SEC23B: variants seen among roughly 807,000 people sequenced by gnomAD.
SEC23B encodes SEC23 homolog B, COPII component.
In SEC23B, 77 loss-of-function variants were observed where a neutral mutation model predicts 104.3. That is an observed-to-expected ratio of 0.74 (90% confidence interval 0.61 to 0.89). The LOEUF is 0.89. SEC23B is among the 40% of genes least tolerant of loss of function. SEC23B has a pLI of 0.00. For missense variants in SEC23B, 885 were observed against 949.4 expected, an observed-to-expected ratio of 0.93 and a Z score of 0.89; for synonymous variants, 338 against 332.5, an observed-to-expected ratio of 1.02 and a Z score of -0.18.
At chr20:18,520,862 C>T (rs1007208201) in intron 4 of SEC23B, among the ~76,000 whole-genome samples, 1 of 151,836 alleles carries the variant, frequency 6.6e-6, no homozygotes, top group African/African-American at 2.4e-5. Context: ...CGTCCGTCTT[C>T]AGCCACTAAG....
intron 11 of SEC23B, among the ~76,000 whole-genome samples, chr20:18,534,588 C>A (rs2060211895): frequency 6.6e-6 from 1 of 152,260 alleles, no homozygotes. Context: ...TAAGGGAACA[C>A]TTCCCCCTTT....
chr20:18,535,916 G>A (rs967423708), intron 12 of SEC23B, among the ~76,000 whole-genome samples, 174 bp downstream of exon 12: 7 of 152,186 alleles, frequency 4.6e-5, no homozygotes, highest in African/African-American at 9.7e-5. Flanking sequence ...GGGTTTAGTC[G>A]GAGTCAGGCA....
chr20:18,545,188 C>G (rs1339351325), intron 14 of SEC23B, among the ~76,000 whole-genome samples: 1 of 151,982 alleles, frequency 6.6e-6, no homozygotes, highest in African/African-American at 2.4e-5. Flanking sequence ...CATTTGTACC[C>G]AAAGCAGTGA....
In SEC23B at chr20:18,535,553, T is replaced by C. The variant is rs1301085767; in HGVS notation, c.1315-100T>C. 4.7e-6 allele frequency: 4 copies of C among 843,328 alleles called. No individual in the cohort carries two copies. In the East Asian group the frequency reaches 7.6e-5, roughly 16 times the overall value. 52.2% of individuals were successfully genotyped at this position (843,328 alleles called of 1,614,324 possible). A position where few individuals can be genotyped will look rare whatever the true frequency, so the allele number is the denominator to read the frequency against. Reference sequence around the variant, plus strand: ...TAAATGTTCTCCTAAAAGAAGATACTCTAAGTAGCCTGCCCTACTCAGTCA... The same window carrying C: ...TAAATGTTCTCCTAAAAGAAGATACCCTAAGTAGCCTGCCCTACTCAGTCA... On this transcript the variant is annotated intron_variant, in intron 11 of 19. Transcript: ENST00000650089.
Position 18,527,581 on chromosome 20 carries a change from T to C in SEC23B, c.1079T>C (p.Leu360Ser), listed in dbSNP as rs2060145349. ...TGTGCCCTTGATCAAACTGGACTTT[T>C]GGAGATGAAGTGTTGTGCAAATCTT... ...YACALDQTGLLEMKCCANLTG... is the reference protein window; with the variant it reads ...YACALDQTGLSEMKCCANLTG... The change falls in exon 9 of 20, where the codon TTG becomes TCG. Residue 360 changes from leucine to serine, a missense_variant. By Grantham distance (145) the Leu-to-Ser change is moderately radical. Coordinates refer to ENST00000650089, the MANE Select transcript of SEC23B (RefSeq NM_006363.6). 6.2e-7 allele frequency: 1 copy of C among 1,611,390 alleles called. No homozygotes were observed. The highest frequency in any genetic ancestry group is 1.3e-5 in the African/African-American group (1 of 74,876).
chr20:18,554,427 G>A (rs185717486), intron 18 of SEC23B, 37 bp downstream of exon 18: 52 of 1,611,272 alleles, frequency 3.2e-5, no homozygotes, highest in East Asian at 6.7e-5. Flanking sequence ...TGGTTTGTTC[G>A]TTTTATGATA....
At position 18,560,905 on chromosome 20, in the gene SEC23B, C is replaced by T. The variant is rs1207627103; in HGVS notation, c.*165C>T. ...AATTTATTTGTATTCCTGTCTTTGTCCTTTTTCTTGCACTATAAAATTATA... is the reference window on the plus strand; with the variant it reads ...AATTTATTTGTATTCCTGTCTTTGTTCTTTTTCTTGCACTATAAAATTATA... On this transcript the variant is annotated 3_prime_UTR_variant, in exon 20 of 20. Transcript: ENST00000650089. 8 of 646,910 alleles carry T rather than the reference C, an allele frequency of 1.2e-5. No individual in the cohort carries two copies. The highest frequency in any genetic ancestry group is 4.8e-5 in the Admixed American group (2 of 41,906). The allele number at this position is 646,910 out of a possible 1,614,324, so 40.1% of individuals were successfully genotyped here. A position where few individuals can be genotyped will look rare whatever the true frequency, so the allele number is the denominator to read the frequency against.
In SEC23B at chr20:18,524,971, C is replaced by G; in HGVS notation, c.640C>G (p.Gln214Glu). The G allele has an allele frequency of 6.2e-7, 1 of 1,613,972 alleles. No homozygotes were observed. The highest frequency in any genetic ancestry group is 1.1e-5 in the South Asian group (1 of 91,068). The change falls in exon 6 of 20, where the codon CAG (glutamine) becomes GAG (glutamate). Residue 214 changes from glutamine to glutamate, a missense_variant. Gln to Glu is a conservative substitution (Grantham distance 29). Transcript: ENST00000650089. Reference sequence around the variant, plus strand: ...CCTGACCAAGCCAGCCATGCCCATGCAGCAAGCACGACCTGCACAACCACA... The same window carrying G: ...CCTGACCAAGCCAGCCATGCCCATGGAGCAAGCACGACCTGCACAACCACA... ...LGLTKPAMPM[Q>E]QARPAQPQEH...
At chr20:18,516,317 A>G (rs1258852966) in intron 4 of SEC23B, among the ~76,000 whole-genome samples, 2 of 150,440 alleles carry the variant, frequency 1.3e-5, no homozygotes, top group Non-Finnish European at 3.0e-5. Context: ...TTTGCTTTCA[A>G]ATATTGGCCT....
intron 11 of SEC23B, 53 bp downstream of exon 11, chr20:18,532,797 A>G: frequency 1.5e-6 from 2 of 1,301,846 alleles, no homozygotes; most frequent in African/African-American, 2.9e-5. Flanking sequence ...TTAACCCGTC[A>G]GAAGTGTCAG....
In SEC23B at chr20:18,526,362, C is replaced by T. The variant is rs370797703; in HGVS notation, c.835-11C>T. The T allele has an allele frequency of 5.7e-5, 92 of 1,614,014 alleles. No individual in the cohort carries two copies. In the East Asian group the frequency reaches 8.0e-4, roughly 14 times the overall value. On this transcript the variant is annotated splice_polypyrimidine_tract_variant and intron_variant, in intron 7 of 19. Transcript: ENST00000650089. ...TGTATACTTCTAACATGCTGCCATT[C>T]GCTATTTTAGGGCACTTTTCCAAAC...
intron 9 of SEC23B, among the ~76,000 whole-genome samples, chr20:18,529,862 G>A (rs1399833960): frequency 6.6e-6 from 1 of 152,218 alleles, no homozygotes; most frequent in Non-Finnish European, 1.5e-5. Flanking sequence ...GATCTTTCTT[G>A]TGTTCTTCAA....
chr20:18,536,086 T>C (rs1178555710), intron 12 of SEC23B, among the ~76,000 whole-genome samples: 2 of 152,230 alleles, frequency 1.3e-5, no homozygotes, highest in African/African-American at 4.8e-5. Context: ...ATTGAAAGAA[T>C]TGTACGGTGA....
chr20:18,558,477 A>G (rs2060461676), intron 19 of SEC23B, among the ~76,000 whole-genome samples: 2 of 152,274 alleles, frequency 1.3e-5, no homozygotes, highest in South Asian at 4.1e-4. Flanking sequence ...GAAAGTTTTC[A>G]GTCCTTATTT....
intron 4 of SEC23B, among the ~76,000 whole-genome samples, chr20:18,521,422 T>G (rs1301226948): frequency 6.6e-6 from 1 of 152,176 alleles, no homozygotes; most frequent in Non-Finnish European, 1.5e-5. Flanking sequence ...GGCCATTAAC[T>G]GGGCTGGGTT....
At chr20:18,524,878 A>T in intron 5 of SEC23B, 57 bp from the exon 6 acceptor site, 1 of 1,565,692 alleles carries the variant, frequency 6.4e-7, no homozygotes, top group Non-Finnish European at 8.8e-7. Flanking sequence ...CTTAAAAATT[A>T]GTCATTCACT....
At chr20:18,525,503 A>AT (rs566569452) in intron 6 of SEC23B, among the ~76,000 whole-genome samples, 2 of 152,142 alleles carry the variant, frequency 1.3e-5, no homozygotes, top group East Asian at 1.9e-4. Flanking sequence ...TGTCCTTAGG[A>AT]TTTTTTTGCT....
chr20:18,512,848 G>C (rs548084987), intron 3 of SEC23B, among the ~76,000 whole-genome samples: 1 of 152,096 alleles, frequency 6.6e-6, no homozygotes, highest in Admixed American at 6.5e-5. Context: ...TCAAGAAATC[G>C]AGACCATTCT....
chr20:18,540,197 T>C (rs905389771), intron 12 of SEC23B, among the ~76,000 whole-genome samples: 1 of 152,254 alleles, frequency 6.6e-6, no homozygotes, highest in Non-Finnish European at 1.5e-5. Flanking sequence ...ATGGCAGTTA[T>C]AGTCTTATGA....
Sources: allele counts gnomAD v4.1 joint callset (sites outside exome capture counted in the v4.1 genomes callset), GRCh38; gene constraint gnomAD v4.1.1; transcripts MANE v1.5; gene names NCBI Gene and HGNC (gene_info 2026-07-23, HGNC 2026-07-21).